Variants in FIGN observed in about 807,000 individuals in gnomAD.
FIGN encodes fidgetin, microtubule severing factor.
FIGN carries 11 observed loss-of-function variants against 51.3 expected under a neutral mutation model. That is an observed-to-expected ratio of 0.21 (90% CI 0.13 to 0.35). The LOEUF (loss-of-function observed/expected upper bound fraction) is 0.35, where lower values mean the gene tolerates loss of function less well. Ranked by LOEUF, FIGN falls within the 10% of genes least tolerant of loss-of-function variation. FIGN has a pLI of 1.00. For synonymous variants in FIGN, 407 were observed against 363.2 expected, an observed-to-expected ratio of 1.12 and a Z score of -1.37; for missense variants, 857 against 943.6, an observed-to-expected ratio of 0.91 and a Z score of 1.20.
intron 2 of FIGN, among the ~76,000 whole-genome samples, chr2:163,616,692 AT>A (rs1682883220): frequency 1.3e-5 from 2 of 152,194 alleles, no homozygotes; most frequent in South Asian, 4.1e-4. Flanking sequence ...ACCTTTCATT[AT>A]TTTTTAACAT....
intron 2 of FIGN, among the ~76,000 whole-genome samples, chr2:163,687,856 T>A (rs189305392): frequency 3.6e-4 from 55 of 152,304 alleles, no homozygotes; most frequent in African/African-American, 1.3e-3. Context: ...TCCTCACATA[T>A]CTTGGGTCAC....
chr2:163,602,943 CAAT>C lies in FIGN; in HGVS notation c.*6606_*6608del, dbSNP rs1219031543. ...CAATGGATTACAATTGAAACTGCAACAATGAGGACAAAAAGCATTTTCAGATCT... is the reference window on the plus strand; with the variant it reads ...CAATGGATTACAATTGAAACTGCAACGAGGACAAAAAGCATTTTCAGATCT... On this transcript the variant is annotated 3_prime_UTR_variant, in exon 3 of 3. Transcript: ENST00000333129. 1 of 151,770 alleles carries C rather than the reference CAAT, an allele frequency of 6.6e-6. No individual in the cohort carries two copies. Among genetic ancestry groups the C allele is most frequent in the Non-Finnish European group, 1.5e-5 (1 of 67,934 alleles). 9.4% of individuals were successfully genotyped at this position (151,770 alleles called of 1,614,324 possible). A position where few individuals can be genotyped will look rare whatever the true frequency, so the allele number is the denominator to read the frequency against.
intron 2 of FIGN, among the ~76,000 whole-genome samples, chr2:163,732,611 A>T (rs1016346508): frequency 9.2e-5 from 14 of 152,310 alleles, no homozygotes; most frequent in Non-Finnish European, 2.1e-4. Context: ...AAAGTCTGGG[A>T]TTTCCCCTTC....
chr2:163,663,804 C>T (rs941655461), intron 2 of FIGN, among the ~76,000 whole-genome samples: 1 of 151,742 alleles, frequency 6.6e-6, no homozygotes, highest in African/African-American at 2.4e-5. Context: ...ATTGCTTGAA[C>T]CCGGGAGGCG....
intron 2 of FIGN, among the ~76,000 whole-genome samples, chr2:163,632,293 A>C (rs1329039594): frequency 6.6e-6 from 1 of 152,204 alleles, no homozygotes; most frequent in Non-Finnish European, 1.5e-5. Flanking sequence ...CGTGGGTTCA[A>C]ATATCGAATT....
At chr2:163,631,025 T>C (rs1371103652) in intron 2 of FIGN, among the ~76,000 whole-genome samples, 2 of 152,198 alleles carry the variant, frequency 1.3e-5, no homozygotes, top group Non-Finnish European at 2.9e-5. Flanking sequence ...TGGGTCTTAC[T>C]TTTTTCCTTT....
intron 2 of FIGN, among the ~76,000 whole-genome samples, chr2:163,657,900 G>T (rs2105325302): frequency 6.6e-6 from 1 of 152,190 alleles, no homozygotes; most frequent in South Asian, 2.1e-4. Context: ...ATTGTAGTTA[G>T]AGCTCACTTT....
intron 2 of FIGN, among the ~76,000 whole-genome samples, chr2:163,677,343 C>T (rs1683988839): frequency 6.6e-6 from 1 of 152,180 alleles, no homozygotes; most frequent in Non-Finnish European, 1.5e-5. Context: ...ATCCCAAATA[C>T]CTTAACCCCA....
chr2:163,727,247 T>C (rs545850220), intron 2 of FIGN, among the ~76,000 whole-genome samples: 33 of 152,140 alleles, frequency 2.2e-4, no homozygotes, highest in African/African-American at 7.2e-4. Flanking sequence ...AGATTCCAAG[T>C]ATAGGAGTAA....
intron 2 of FIGN, among the ~76,000 whole-genome samples, chr2:163,673,396 A>T (rs2105334503): frequency 6.6e-6 from 1 of 152,232 alleles, no homozygotes; most frequent in African/African-American, 2.4e-5. Flanking sequence ...GAATATAAAC[A>T]TAGTCAATTT....
chr2:163,620,326 C>A (rs1174331803), intron 2 of FIGN, among the ~76,000 whole-genome samples: 3 of 152,142 alleles, frequency 2.0e-5, no homozygotes, highest in Non-Finnish European at 4.4e-5. Flanking sequence ...TCCATTAAGG[C>A]CATCTACCCT....
At chr2:163,683,381 G>A (rs761030066) in intron 2 of FIGN, among the ~76,000 whole-genome samples, 25 of 152,080 alleles carry the variant, frequency 1.6e-4, no homozygotes, top group Non-Finnish European at 3.2e-4. Flanking sequence ...ATTGTTGTTC[G>A]AAAGTGTCTG....
Position 163,609,715 on chromosome 2 carries a change from T to C in FIGN, c.2117A>G (p.His706Arg). ...TGAAAGGTCTGTGGCTGGCATGGCATGGAGGGGGCCCACCACTGCTTCCTG... is the reference window on the plus strand; with the variant it reads ...TGAAAGGTCTGTGGCTGGCATGGCACGGAGGGGGCCCACCACTGCTTCCTG... ...LCQEAVVGPL[H>R]AMPATDLSAI... The change falls in exon 3 of 3, where the codon CAT (histidine) becomes CGT (arginine). Residue 706 changes from histidine to arginine, a missense_variant. This residue lies in a region of FIGN where 799 missense variants were observed against 849.5 expected (regional missense o/e 0.94). Coordinates refer to ENST00000333129, the MANE Select transcript of FIGN (RefSeq NM_018086.4). 1 of 1,614,016 alleles carries C rather than the reference T, an allele frequency of 6.2e-7. No homozygotes were observed. The highest frequency in any genetic ancestry group is 8.5e-7 in the Non-Finnish European group (1 of 1,179,988).
At chr2:163,658,270 C>A (rs571165304) in intron 2 of FIGN, among the ~76,000 whole-genome samples, 1 of 151,634 alleles carries the variant, frequency 6.6e-6, no homozygotes, top group South Asian at 2.1e-4. Flanking sequence ...GTGCTGGGAC[C>A]CAGGCTGTGA....
In FIGN at chr2:163,716,595, G is replaced by C. The variant is rs749553149; in HGVS notation, c.25+18308C>G. 1.4e-4 allele frequency among the ~76,000 whole-genome samples: 22 copies of C among 152,100 alleles called. 1 individual carries two copies. Among genetic ancestry groups the C allele is most frequent in the Non-Finnish European group, 2.2e-4 (15 of 67,994 alleles). ...GGTTGAAGGGTGAGTGGATAAACTG[G>C]TTCCAGATTCAAAGATAATGTTCAT... On this transcript the variant is annotated intron_variant, in intron 2 of 2. Transcript: ENST00000333129.
Position 163,651,842 on chromosome 2 carries a change from C to A in FIGN, c.26-40036G>T, listed in dbSNP as rs188180936. 3.9e-5 allele frequency among the ~76,000 whole-genome samples: 6 copies of A among 152,192 alleles called. No homozygotes were observed. The East Asian group carries it at 1.2e-3, about 29-fold the overall frequency. ...ACACCGTACCATGTTATTGTTAGCA[C>A]CAAAGCATTCAGCAGGCTAGGGTTG... On this transcript the variant is annotated intron_variant, in intron 2 of 2. Transcript: ENST00000333129.
intron 2 of FIGN, among the ~76,000 whole-genome samples, chr2:163,651,877 T>C (rs1046677257): frequency 1.3e-5 from 2 of 152,182 alleles, no homozygotes; most frequent in Non-Finnish European, 1.5e-5. Flanking sequence ...GCCCAAGAAG[T>C]TTCTAAATGC....
chr2:163,665,138 T>G (rs959108467), intron 2 of FIGN, among the ~76,000 whole-genome samples: 4 of 152,268 alleles, frequency 2.6e-5, no homozygotes, highest in Admixed American at 1.3e-4. Context: ...CAGTGCTGTT[T>G]AATTTCTTAA....
intron 2 of FIGN, among the ~76,000 whole-genome samples, chr2:163,716,149 C>T (rs994243165): frequency 4.6e-5 from 7 of 152,160 alleles, no homozygotes; most frequent in Non-Finnish European, 8.8e-5. Flanking sequence ...AAAATGTAAA[C>T]AGCGTAATGA....
Sources: allele counts gnomAD v4.1 joint callset (sites outside exome capture counted in the v4.1 genomes callset), GRCh38; gene constraint gnomAD v4.1.1; regional missense constraint gnomAD v4.1.1; transcripts MANE v1.5; gene names NCBI Gene and HGNC (gene_info 2026-07-23, HGNC 2026-07-21).